The following BICC1 variants were observed in gnomAD, a reference collection of about 807,000 sequenced individuals.
BICC1 encodes the protein protein bicaudal C homolog 1.
BICC1 carries 43 observed loss-of-function variants against 111.0 expected under a neutral mutation model. That is an observed-to-expected ratio of 0.39 (90% CI 0.30 to 0.50). The LOEUF (loss-of-function observed/expected upper bound fraction) is 0.50. BICC1 is among the 20% of genes least tolerant of loss of function. The pLI is 0.88. For missense variants in BICC1, 1,091 were observed against 1,203.2 expected, an observed-to-expected ratio of 0.91 and a Z score of 1.38; for synonymous variants, 467 against 434.4, an observed-to-expected ratio of 1.07 and a Z score of -0.93.
intron 3 of BICC1, among the ~76,000 whole-genome samples, chr10:58,752,716 A>C (rs572357120): frequency 6.6e-6 from 1 of 152,204 alleles, no homozygotes; most frequent in South Asian, 2.1e-4. Flanking sequence ...TTTCAAAACC[A>C]TAGTGGTGGG....
At chr10:58,522,567 G>A (rs1842420472) in intron 1 of BICC1, among the ~76,000 whole-genome samples, 1 of 152,082 alleles carries the variant, frequency 6.6e-6, no homozygotes, top group South Asian at 2.1e-4. Context: ...TGTGTAGAGG[G>A]AAATTTATAG....
intron 1 of BICC1, among the ~76,000 whole-genome samples, chr10:58,599,627 T>C (rs1335720554): frequency 6.6e-6 from 1 of 152,192 alleles, no homozygotes; most frequent in Non-Finnish European, 1.5e-5. Flanking sequence ...TCTGCACATG[T>C]ACCCCAGAAC....
Position 58,702,778 on chromosome 10 carries a change from A to G in BICC1, c.307+635A>G, listed in dbSNP as rs74149296. On this transcript the variant is annotated intron_variant, in intron 3 of 20. Coordinates refer to ENST00000373886, the MANE Select transcript of BICC1 (RefSeq NM_001080512.3). Reference sequence around the variant, plus strand: ...TATTTTTATGGATAGTTTTTAAAGTATGACCTTAGTCTCAACAAACTTTGT... The same window carrying G: ...TATTTTTATGGATAGTTTTTAAAGTGTGACCTTAGTCTCAACAAACTTTGT... Among the ~76,000 whole-genome samples, 557 of 152,334 alleles carry G rather than the reference A, an allele frequency of 3.7e-3. 3 individuals are homozygous for G. Among genetic ancestry groups the G allele is most frequent in the African/African-American group, 0.013 (537 of 41,576 alleles).
At chr10:58,744,974 T>C (rs1405934859) in intron 3 of BICC1, among the ~76,000 whole-genome samples, 1 of 152,126 alleles carries the variant, frequency 6.6e-6, no homozygotes, top group East Asian at 1.9e-4. Context: ...GTGTTTTTAT[T>C]TGGGCTACTT....
chr10:58,665,810 C>T (rs1474304775), intron 2 of BICC1, among the ~76,000 whole-genome samples: 1 of 152,102 alleles, frequency 6.6e-6, no homozygotes, highest in Non-Finnish European at 1.5e-5. Context: ...TGGCTCTAGC[C>T]CTAATTTACC....
intron 3 of BICC1, among the ~76,000 whole-genome samples, chr10:58,774,222 TAA>T (rs1206715922): frequency 6.6e-6 from 1 of 152,080 alleles, no homozygotes; most frequent in African/African-American, 2.4e-5. Flanking sequence ...GCACAACAAA[TAA>T]AAAGAGATAA....
chr10:58,752,117 T>C (rs1842006719), intron 3 of BICC1, among the ~76,000 whole-genome samples: 6 of 152,232 alleles, frequency 3.9e-5, no homozygotes. Flanking sequence ...GGAGAGAATG[T>C]GGAAAAAACA....
intron 2 of BICC1, among the ~76,000 whole-genome samples, chr10:58,696,464 G>A (rs949864207): frequency 2.6e-5 from 4 of 151,848 alleles, no homozygotes; most frequent in South Asian, 2.1e-4. Flanking sequence ...TGATATTACC[G>A]TAAGAATGAA....
At chr10:58,742,431 A>ATTTTT (rs554670544) in intron 3 of BICC1, among the ~76,000 whole-genome samples, 31 of 94,148 alleles carry the variant, frequency 3.3e-4, no homozygotes, top group Non-Finnish European at 4.3e-4. Flanking sequence ...GTATGCTTTA[A>ATTTTT]TTTTTTTTTT....
rs1843527162 is a variant in BICC1, at chr10:58,800,969, G to A, written c.1938G>A (p.Met646Ile). 2 of 1,612,030 alleles carry A rather than the reference G, an allele frequency of 1.2e-6. No homozygotes were observed. The highest frequency in any genetic ancestry group is 1.7e-6 in the Non-Finnish European group (2 of 1,179,110). ...GGAATGCTGGTGACTTGAAACAGATGATGTGTCCCTCCAAGGTTTCCTGTG... is the reference window on the plus strand; with the variant it reads ...GGAATGCTGGTGACTTGAAACAGATAATGTGTCCCTCCAAGGTTTCCTGTG... ...HSGNAGDLKQ[M>I]MCPSKVSCAK... Residue 646 changes from methionine to isoleucine, a missense_variant, in exon 14 of 21, where the codon ATG (methionine) becomes ATA (isoleucine). Around this residue, in one of 3 missense-constraint regions of BICC1, gnomAD observed 843 missense variants for 900.8 expected, o/e 0.94. Transcript: ENST00000373886.
At chr10:58,728,799 C>T (rs1841195152) in intron 3 of BICC1, among the ~76,000 whole-genome samples, 2 of 152,064 alleles carry the variant, frequency 1.3e-5, no homozygotes, top group African/African-American at 2.4e-5. Flanking sequence ...AAACATTAAT[C>T]TTTTTGTACA....
At chr10:58,554,294 A>G (rs142830848) in intron 1 of BICC1, among the ~76,000 whole-genome samples, 4 of 152,220 alleles carry the variant, frequency 2.6e-5, no homozygotes, top group East Asian at 3.9e-4. Flanking sequence ...TATCTGTTTT[A>G]TTGTCGAACC....
chr10:58,675,853 G>A (rs1439450560), intron 2 of BICC1, among the ~76,000 whole-genome samples: 1 of 152,252 alleles, frequency 6.6e-6, no homozygotes, highest in African/African-American at 2.4e-5. Flanking sequence ...CAAGATGGCT[G>A]AATTAGAATA....
intron 2 of BICC1, among the ~76,000 whole-genome samples, chr10:58,690,573 T>C (rs1839880385): frequency 6.6e-6 from 1 of 152,232 alleles, no homozygotes; most frequent in Admixed American, 6.5e-5. Flanking sequence ...AATGAATACA[T>C]ACCTCCTTTC....
At position 58,737,241 on chromosome 10, in the gene BICC1, C is replaced by T. The variant is rs370695985; in HGVS notation, c.307+35098C>T. Among the ~76,000 whole-genome samples, 9 of 152,220 alleles carry T rather than the reference C, an allele frequency of 5.9e-5. No homozygotes were observed. In the East Asian group the frequency reaches 1.4e-3, roughly 23 times the overall value. On this transcript the variant is annotated intron_variant, in intron 3 of 20. Transcript: ENST00000373886. ...TTAGGTATATCTCCCAATGCTATCC[C>T]TCTCCCTTCCCCCCACCGCACAACA...
intron 2 of BICC1, among the ~76,000 whole-genome samples, chr10:58,623,280 T>G (rs1424405487): frequency 6.6e-6 from 1 of 152,210 alleles, no homozygotes; most frequent in Non-Finnish European, 1.5e-5. Flanking sequence ...TTGGTATATT[T>G]CCATAAAGAG....
At chr10:58,614,400 A>G (rs1485762376) in intron 1 of BICC1, among the ~76,000 whole-genome samples, 1 of 152,232 alleles carries the variant, frequency 6.6e-6, no homozygotes, top group African/African-American at 2.4e-5. Flanking sequence ...GGAAATGGAT[A>G]CATCAGAATT....
rs1252524970 is a variant in BICC1 at position 58,523,632 on chromosome 10, G to T, written c.190+10299G>T. Among the ~76,000 whole-genome samples, 9 of 152,082 alleles carry T rather than the reference G, an allele frequency of 5.9e-5. 1 individual carries two copies. The highest frequency in any genetic ancestry group is 1.2e-4 in the Non-Finnish European group (8 of 68,000). On this transcript the variant is annotated intron_variant, in intron 1 of 20. Transcript: ENST00000373886. ...GGCAAAAACTGGAAGCATTCCCTTT[G>T]AAAACTGGCACAAGACAGGGATGCC...
chr10:58,806,414 T>C (rs549937585), intron 15 of BICC1, among the ~76,000 whole-genome samples, 170 bp from the exon 16 acceptor site: 65 of 152,276 alleles, frequency 4.3e-4, no homozygotes, highest in African/African-American at 1.4e-3. Flanking sequence ...TGGAAACATG[T>C]TTAAACTTAC....
Sources: allele counts gnomAD v4.1 joint callset (sites outside exome capture counted in the v4.1 genomes callset), GRCh38; gene constraint gnomAD v4.1.1; regional missense constraint gnomAD v4.1.1; transcripts MANE v1.5; gene names NCBI Gene and HGNC (gene_info 2026-07-23, HGNC 2026-07-21).